PWWP2A: variants seen among roughly 807,000 people sequenced by gnomAD.
PWWP2A encodes the protein PWWP domain containing 2A.
Under a neutral mutation model 48.5 loss-of-function variants are expected in PWWP2A, and 18 were observed. The ratio of observed to expected loss-of-function variants is 0.37; its 90% CI spans 0.26 to 0.55. PWWP2A has a LOEUF of 0.55. Among genes scored for constraint, PWWP2A ranks in the 20% least tolerant of loss-of-function variants. The probability of loss-of-function intolerance (pLI) is 0.81; values close to 1 mark genes in which losing one functional copy is unlikely to be tolerated. For missense variants in PWWP2A, 867 were observed against 976.4 expected, an observed-to-expected ratio of 0.89 and a Z score of 1.49; for synonymous variants, 396 against 387.7, an observed-to-expected ratio of 1.02 and a Z score of -0.25.
downstream of PWWP2A, chr5:160,089,398 G>C: frequency 2.6e-6 from 1 of 389,194 alleles, no homozygotes; most frequent in Non-Finnish European, 4.3e-6. Flanking sequence ...AGATGGCAGC[G>C]GGGACGGGGG....
At chr5:160,049,701 CT>C in the PWWP2A span, 1 of 1,443,748 alleles carries the variant, frequency 6.9e-7, no homozygotes, top group African/African-American at 1.5e-5. Context: ...TCCTTCTATT[CT>C]TTGTGTTGCT....
At chr5:160,064,131 G>A (rs976162331) in intron 4 of PWWP2A, among the ~76,000 whole-genome samples, 1 of 152,022 alleles carries the variant, frequency 6.6e-6, no homozygotes, top group African/African-American at 2.4e-5. Context: ...ACCACCCTCA[G>A]CTGATTTTTG....
intron 1 of PWWP2A, among the ~76,000 whole-genome samples, chr5:160,097,720 G>T (rs1755832170): frequency 6.8e-6 from 1 of 147,474 alleles, no homozygotes; most frequent in African/African-American, 2.5e-5. Flanking sequence ...GGGGGGGGCG[G>T]TTGTTTTGTT....
chr5:160,049,068 T>C, the PWWP2A span, among the ~76,000 whole-genome samples: 5 of 152,250 alleles, frequency 3.3e-5, no homozygotes, highest in Admixed American at 6.5e-5. Flanking sequence ...GACCAGGATA[T>C]GGCAAACTAC....
At chr5:160,117,582 AGG>A (rs1561712647) in intron 1 of PWWP2A, among the ~76,000 whole-genome samples, 6 of 151,894 alleles carry the variant, frequency 4.0e-5, no homozygotes, top group African/African-American at 1.5e-4. Context: ...GCTTGAACCC[AGG>A]AGGCGGAGGT....
At chr5:160,091,148 A>G, downstream of PWWP2A, 1 of 979,468 alleles carries the variant, frequency 1.0e-6, no homozygotes, top group Non-Finnish European at 1.2e-6. Context: ...ATACTACAAA[A>G]TCTTATTTTG....
chr5:160,048,450 C>T, the PWWP2A span, among the ~76,000 whole-genome samples: 2 of 152,150 alleles, frequency 1.3e-5, no homozygotes, highest in African/African-American at 2.4e-5. Flanking sequence ...CCACCACACC[C>T]GGCCAGCACT....
chr5:160,089,467 C>G, downstream of PWWP2A: 1 of 1,129,326 alleles, frequency 8.9e-7, no homozygotes, highest in South Asian at 1.5e-5. Flanking sequence ...CCACCTTGGC[C>G]TTCCAAACTT....
At chr5:160,064,091 C>T (rs1259450221) in intron 4 of PWWP2A, among the ~76,000 whole-genome samples, 1 of 151,960 alleles carries the variant, frequency 6.6e-6, no homozygotes, top group African/African-American at 2.4e-5. Flanking sequence ...GCCTCAGCCT[C>T]CCTAGTAGCT....
chr5:160,079,957 T>C (rs1754113867), intron 3 of PWWP2A, among the ~76,000 whole-genome samples: 1 of 152,202 alleles, frequency 6.6e-6, no homozygotes, highest in Non-Finnish European at 1.5e-5. Flanking sequence ...ACAGCCTTAC[T>C]TCAAGGAAGC....
At chr5:160,118,628 C>T (rs1017322514) in intron 1 of PWWP2A, among the ~76,000 whole-genome samples, 177 bp downstream of exon 1, 56 of 152,224 alleles carry the variant, frequency 3.7e-4, no homozygotes, top group African/African-American at 1.3e-3. Context: ...GCCGGGACCG[C>T]CCTCTCCCGG....
chr5:160,068,792 T>G (rs562492586), intron 2 of PWWP2A, among the ~76,000 whole-genome samples: 2 of 152,308 alleles, frequency 1.3e-5, no homozygotes, highest in East Asian at 3.9e-4. Context: ...TTAAAGGATA[T>G]CCACAAGACG....
At chr5:160,046,726 G>A in the PWWP2A span, among the ~76,000 whole-genome samples, 1 of 151,980 alleles carries the variant, frequency 6.6e-6, no homozygotes, top group East Asian at 1.9e-4. Flanking sequence ...AGAAATTAGA[G>A]CAACAGGCCG....
intron 1 of PWWP2A, among the ~76,000 whole-genome samples, chr5:160,111,243 C>T (rs888518069): frequency 6.6e-6 from 1 of 152,156 alleles, no homozygotes. Context: ...TCTCAGCTCA[C>T]TGCAACCTCT....
At chr5:160,045,502 ACACACACACACATACACACTCT>A in the PWWP2A span, among the ~76,000 whole-genome samples, 3 of 99,232 alleles carry the variant, frequency 3.0e-5, no homozygotes, top group Admixed American at 1.4e-4. Flanking sequence ...ACACACACAC[ACACACACACACATACACACTCT>A]CTCTCTCTCT....
chr5:160,078,387 G>A lies in PWWP2A; in HGVS notation c.1670-219C>T, dbSNP rs1458883241. ...CATGTTATTTCTGAAGTATTATCAG[G>A]CCAGTTTCCAACACAAGTAAAATGG... On this transcript the variant is annotated intron_variant, in intron 3 of 3. Transcript: ENST00000456329. The surrounding 1 kb of genome is among the most constrained non-coding windows in gnomAD (Gnocchi z 4.2). Among the ~76,000 whole-genome samples the A allele has an allele frequency of 1.3e-5, 2 of 152,092 alleles. No homozygotes were observed. Among genetic ancestry groups the A allele is most frequent in the Non-Finnish European group, 2.9e-5 (2 of 68,028 alleles).
rs575376916 is a variant in PWWP2A at position 160,068,045 on chromosome 5, A to G, written c.*80-1174T>C. On this transcript the variant is annotated intron_variant and NMD_transcript_variant, in intron 2 of 5. Coordinates refer to the PWWP2A transcript ENST00000524050. The stretch of plus-strand genomic sequence containing the variant: ...AAAATACACAGATTAGCCAGGCACA[A>G]TGGCACATGCCTGTAATCCCAGCTA... Among the ~76,000 whole-genome samples, 10 of 152,278 alleles carry G rather than the reference A, an allele frequency of 6.6e-5. No individual in the cohort carries two copies. The East Asian group carries it at 1.4e-3, about 21-fold the overall frequency.
chr5:160,109,817 AT>A, intron 1 of PWWP2A, among the ~76,000 whole-genome samples: 12 of 125,024 alleles, frequency 9.6e-5, no homozygotes, highest in African/African-American at 3.3e-4. Flanking sequence ...ATAAAATAAT[AT>A]AATAATATAT....
chr5:160,050,401 T>C, the PWWP2A span, among the ~76,000 whole-genome samples: 1 of 152,086 alleles, frequency 6.6e-6, no homozygotes, highest in Non-Finnish European at 1.5e-5. Context: ...GAGCTGAGAT[T>C]GCGCCACTGC....
Sources: allele counts gnomAD v4.1 joint callset (sites outside exome capture counted in the v4.1 genomes callset), GRCh38; gene constraint gnomAD v4.1.1; non-coding constraint Gnocchi (gnomAD v3.1); transcripts MANE v1.5; gene names NCBI Gene and HGNC (gene_info 2026-07-23, HGNC 2026-07-21).